LIMCH1: variants seen among roughly 807,000 people sequenced by gnomAD.
The protein encoded by LIMCH1 is LIM and calponin homology domains 1, also known as LIM and calponin homology domains-containing protein 1.
LIMCH1 carries 113 observed loss-of-function variants against 176.5 expected under a neutral mutation model. The observed-to-expected ratio is 0.64, with a 90% confidence interval of 0.55 to 0.75. The LOEUF (loss-of-function observed/expected upper bound fraction) is 0.75, where lower values mean the gene tolerates loss of function less well. Among genes scored for constraint, LIMCH1 ranks in the 30% least tolerant of loss-of-function variants. The pLI is 0.00. For synonymous variants in LIMCH1, 619 were observed against 645.9 expected (o/e 0.96, Z 0.63); for missense variants, 1,674 against 1,814.9 (o/e 0.92, Z 1.41).
intron 3 of LIMCH1, among the ~76,000 whole-genome samples, chr4:41,527,836 A>C (rs1024906636): frequency 8.0e-5 from 12 of 150,818 alleles, no homozygotes; most frequent in African/African-American, 1.2e-4. Context: ...AAAAAAAAAA[A>C]AAAAAAAAAA....
chr4:41,659,053 C>T (rs2094540133), intron 18 of LIMCH1, among the ~76,000 whole-genome samples: 1 of 152,022 alleles, frequency 6.6e-6, no homozygotes, highest in Non-Finnish European at 1.5e-5. Flanking sequence ...ATTATAAAAC[C>T]CAACTTATTC....
At chr4:41,627,148 G>A (rs1675003048) in intron 8 of LIMCH1, 138 bp downstream of exon 8, 6 of 1,198,994 alleles carry the variant, frequency 5.0e-6, no homozygotes. Context: ...TCAATTATAT[G>A]TACTTTGTAA....
chr4:41,541,043 T>C (rs2078571515), intron 1 of LIMCH1, among the ~76,000 whole-genome samples: 1 of 152,124 alleles, frequency 6.6e-6, no homozygotes, highest in South Asian at 2.1e-4. Context: ...TTTGTGTGTG[T>C]GTGGAGTAGC....
chr4:41,421,171 G>T (rs1457209295), intron 1 of LIMCH1, among the ~76,000 whole-genome samples: 3 of 152,168 alleles, frequency 2.0e-5, no homozygotes, highest in Non-Finnish European at 2.9e-5. Flanking sequence ...TGAGATCCTG[G>T]TTAACATATT....
chr4:41,593,597 T>C (rs2088089984), intron 1 of LIMCH1, among the ~76,000 whole-genome samples: 1 of 152,184 alleles, frequency 6.6e-6, no homozygotes, highest in African/African-American at 2.4e-5. Context: ...GGGAAAAATC[T>C]CAAACATACA....
intron 1 of LIMCH1, among the ~76,000 whole-genome samples, chr4:41,481,726 CTG>C (rs1409535863): frequency 6.6e-6 from 1 of 151,782 alleles, no homozygotes; most frequent in Non-Finnish European, 1.5e-5. Context: ...GAATGTATCT[CTG>C]TGTTACTCGG....
Position 41,583,820 on chromosome 4 carries a change from C to A in LIMCH1, c.-240-15100C>A, listed in dbSNP as rs540128043. Among the ~76,000 whole-genome samples the A allele has an allele frequency of 8.8e-4, 134 of 151,474 alleles. 2 individuals are homozygous for A. The highest frequency in any genetic ancestry group is 3.1e-3 in the African/African-American group (129 of 41,366). ...TGCTTTGAATTCGTACCCTACATAT[C>A]TCTTCTTCCTTTTCATACACATTTT... On this transcript the variant is annotated intron_variant, in intron 1 of 31. Coordinates refer to ENST00000503057, the MANE Select transcript of LIMCH1 (RefSeq NM_001330672.2).
At chr4:41,557,576 A>G (rs1426155050) in intron 1 of LIMCH1, among the ~76,000 whole-genome samples, 1 of 102,204 alleles carries the variant, frequency 9.8e-6, no homozygotes, top group Non-Finnish European at 1.8e-5. Flanking sequence ...GTGTGTGTGT[A>G]ATTAGAATGA....
intron 1 of LIMCH1, among the ~76,000 whole-genome samples, chr4:41,558,122 C>G (rs1195960519): frequency 6.6e-6 from 1 of 152,046 alleles, no homozygotes; most frequent in African/African-American, 2.4e-5. Flanking sequence ...CCGTATACAT[C>G]AGCCCAAGTA....
intron 2 of LIMCH1, among the ~76,000 whole-genome samples, chr4:41,521,044 A>G (rs2076070798): frequency 6.6e-6 from 1 of 152,138 alleles, no homozygotes. Context: ...TATGTGTCTT[A>G]TACTTCACCA....
At chr4:41,396,030 G>A (rs572636749) in intron 1 of LIMCH1, among the ~76,000 whole-genome samples, 1 of 152,328 alleles carries the variant, frequency 6.6e-6, no homozygotes, top group East Asian at 1.9e-4. Flanking sequence ...AGAACACCTG[G>A]GAGAAGAGCT....
intron 1 of LIMCH1, among the ~76,000 whole-genome samples, chr4:41,481,336 G>A (rs991314748): frequency 3.3e-5 from 5 of 152,212 alleles, no homozygotes; most frequent in African/African-American, 9.6e-5. Context: ...ATGGTGGGGC[G>A]GTGAAGCCCT....
At chr4:41,531,817 C>G (rs950571557) in intron 3 of LIMCH1, among the ~76,000 whole-genome samples, 1 of 152,240 alleles carries the variant, frequency 6.6e-6, no homozygotes, top group South Asian at 2.1e-4. Context: ...ACTCTGTGTT[C>G]TCTGTAGTAG....
intron 14 of LIMCH1, among the ~76,000 whole-genome samples, chr4:41,640,809 A>G (rs1235354440): frequency 6.6e-6 from 1 of 152,200 alleles, no homozygotes; most frequent in African/African-American, 2.4e-5. Context: ...ATAGAGCCCA[A>G]TCAAAAAAAA....
intron 1 of LIMCH1, among the ~76,000 whole-genome samples, chr4:41,380,400 G>A (rs952589192): frequency 6.6e-6 from 1 of 151,922 alleles, no homozygotes; most frequent in Admixed American, 6.6e-5. Flanking sequence ...TCCTGCCCTG[G>A]CCTCCCAAAG....
intron 1 of LIMCH1, among the ~76,000 whole-genome samples, chr4:41,457,360 A>G (rs956947588): frequency 2.0e-5 from 3 of 152,116 alleles, no homozygotes; most frequent in Non-Finnish European, 4.4e-5. Flanking sequence ...ATATTTTTAT[A>G]TAACGTAGGG....
At chr4:41,653,336 TAAAA>T (rs11288179) in intron 18 of LIMCH1, among the ~76,000 whole-genome samples, 38 of 141,968 alleles carry the variant, frequency 2.7e-4, no homozygotes, top group African/African-American at 9.5e-4. Flanking sequence ...ATACTCCTGT[TAAAA>T]AAAAAAAAAA....
chr4:41,473,244 T>G, intron 1 of LIMCH1: 2 of 959,968 alleles, frequency 2.1e-6, no homozygotes, highest in South Asian at 9.6e-5. Flanking sequence ...TCTGTTTCTT[T>G]GACTTTGCTC....
At chr4:41,396,013 A>G (rs2057767943) in intron 1 of LIMCH1, among the ~76,000 whole-genome samples, 1 of 152,218 alleles carries the variant, frequency 6.6e-6, no homozygotes, top group Non-Finnish European at 1.5e-5. Context: ...TGAGGGCGAA[A>G]GCCATAAGAA....
Sources: allele counts gnomAD v4.1 joint callset (sites outside exome capture counted in the v4.1 genomes callset), GRCh38; gene constraint gnomAD v4.1.1; transcripts MANE v1.5; gene names NCBI Gene and HGNC (gene_info 2026-07-23, HGNC 2026-07-21).